Variants in FIG4 observed in about 807,000 individuals in gnomAD.
FIG4 encodes the protein FIG4 phosphoinositide 5-phosphatase, also known as polyphosphoinositide phosphatase.
Under a neutral mutation model 118.6 loss-of-function variants are expected in FIG4, and 112 were observed. The observed-to-expected ratio is 0.94, with a 90% confidence interval of 0.81 to 1.11. The LOEUF (loss-of-function observed/expected upper bound fraction) is 1.11. FIG4 is among the 50% of genes least tolerant of loss of function. The pLI is 0.00. For missense variants in FIG4, 969 were observed against 1,111.7 expected (o/e 0.87, Z 1.83); for synonymous variants, 369 against 381.2 (o/e 0.97, Z 0.37).
chr6:109,744,490 T>G (rs938402388), intron 10 of FIG4, among the ~76,000 whole-genome samples: 4 of 151,870 alleles, frequency 2.6e-5, no homozygotes, highest in Non-Finnish European at 5.9e-5. Flanking sequence ...AGCAAGGGTG[T>G]TGTTATGTTA....
At chr6:109,786,910 C>T (rs1479654424) in intron 18 of FIG4, among the ~76,000 whole-genome samples, 1 of 151,988 alleles carries the variant, frequency 6.6e-6, no homozygotes, top group African/African-American at 2.4e-5. Context: ...TCTCTCTCCC[C>T]CACACACACA....
intron 3 of FIG4, among the ~76,000 whole-genome samples, chr6:109,724,370 C>A (rs1775719648): frequency 6.6e-6 from 1 of 152,106 alleles, no homozygotes; most frequent in African/African-American, 2.4e-5. Context: ...GAAATTAGAC[C>A]TCCGTTCAGC....
chr6:109,750,392 C>G (rs1314736977), intron 10 of FIG4, among the ~76,000 whole-genome samples: 1 of 152,150 alleles, frequency 6.6e-6, no homozygotes, highest in Non-Finnish European at 1.5e-5. Context: ...TCCCAGTGAC[C>G]TGGGAAACAG....
intron 10 of FIG4, among the ~76,000 whole-genome samples, chr6:109,755,807 T>C (rs1192709248): frequency 6.6e-6 from 1 of 152,168 alleles, no homozygotes; most frequent in Non-Finnish European, 1.5e-5. Context: ...TCCTCCATCC[T>C]TTTATTTTGA....
At chr6:109,694,978 G>C (rs1774664410) in intron 1 of FIG4, among the ~76,000 whole-genome samples, 1 of 152,166 alleles carries the variant, frequency 6.6e-6, no homozygotes, top group Non-Finnish European at 1.5e-5. Flanking sequence ...TTCTTATATA[G>C]TATTGGTGGT....
intron 22 of FIG4, among the ~76,000 whole-genome samples, chr6:109,801,803 A>G (rs1778435807): frequency 6.6e-6 from 1 of 152,170 alleles, no homozygotes; most frequent in Non-Finnish European, 1.5e-5. Context: ...CATGATGTTA[A>G]TTTTCAATAA....
intron 22 of FIG4, among the ~76,000 whole-genome samples, chr6:109,823,122 C>T (rs896546946): frequency 2.6e-5 from 4 of 151,920 alleles, no homozygotes; most frequent in East Asian, 1.9e-4. Context: ...CTAGGCTTGG[C>T]GATAAAATCC....
chr6:109,816,962 C>T (rs72944995), intron 22 of FIG4, among the ~76,000 whole-genome samples: 3,174 of 152,258 alleles, frequency 0.021, 63 homozygotes, highest in Non-Finnish European at 0.031. Flanking sequence ...GAGTGGCTAC[C>T]GCTGCTTCTG....
chr6:109,782,102 A>C (rs988278629), intron 16 of FIG4, among the ~76,000 whole-genome samples: 1 of 152,158 alleles, frequency 6.6e-6, no homozygotes, highest in Non-Finnish European at 1.5e-5. Context: ...AGAACTCTTA[A>C]TAATACTAGG....
chr6:109,820,216 A>G (rs898651232), intron 22 of FIG4, among the ~76,000 whole-genome samples: 4 of 152,172 alleles, frequency 2.6e-5, no homozygotes, highest in African/African-American at 9.7e-5. Flanking sequence ...GCGACTGTCA[A>G]ATGCTTCTGA....
chr6:109,753,038 T>G (rs1278413103), intron 10 of FIG4, among the ~76,000 whole-genome samples: 6 of 152,092 alleles, frequency 3.9e-5, no homozygotes, highest in East Asian at 1.9e-4. Context: ...AAGGGATCCA[T>G]TTTCAGCTTT....
At chr6:109,814,229 G>C (rs1010847874) in intron 22 of FIG4, among the ~76,000 whole-genome samples, 1 of 152,044 alleles carries the variant, frequency 6.6e-6, no homozygotes, top group African/African-American at 2.4e-5. Context: ...ACCTTGACCT[G>C]CCCGGCTCAA....
intron 22 of FIG4, among the ~76,000 whole-genome samples, chr6:109,801,681 G>A (rs1043593685): frequency 1.3e-5 from 2 of 152,198 alleles, no homozygotes; most frequent in Non-Finnish European, 2.9e-5. Context: ...TTCTACCAGG[G>A]GAAGTGTTTT....
intron 10 of FIG4, among the ~76,000 whole-genome samples, chr6:109,758,144 A>G (rs1776980615): frequency 6.6e-6 from 1 of 152,236 alleles, no homozygotes; most frequent in Non-Finnish European, 1.5e-5. Context: ...GAGCCCGTAT[A>G]GCCAAGACAA....
intron 5 of FIG4, among the ~76,000 whole-genome samples, chr6:109,734,475 A>T (rs1009815411): frequency 2.0e-5 from 3 of 149,748 alleles, no homozygotes; most frequent in African/African-American, 7.3e-5. Context: ...ATAAATATAG[A>T]GTATAAATAT....
chr6:109,736,167 A>G (rs1429292204), intron 6 of FIG4, among the ~76,000 whole-genome samples: 1 of 152,132 alleles, frequency 6.6e-6, no homozygotes, highest in Non-Finnish European at 1.5e-5. Context: ...GCTCTGTGCA[A>G]CTTAAATGAT....
At chr6:109,791,134 G>T (rs1023008838) in intron 19 of FIG4, among the ~76,000 whole-genome samples, 7 of 152,112 alleles carry the variant, frequency 4.6e-5, no homozygotes, top group African/African-American at 9.7e-5. Flanking sequence ...ATTTTTTCAC[G>T]CTCTGCAAGT....
intron 22 of FIG4, among the ~76,000 whole-genome samples, chr6:109,807,255 A>G (rs749423897): frequency 1.3e-5 from 2 of 152,202 alleles, no homozygotes; most frequent in African/African-American, 4.8e-5. Context: ...ATTTCTCCAC[A>G]TCTTCTCCAG....
intron 4 of FIG4, among the ~76,000 whole-genome samples, chr6:109,731,748 C>G (rs1400994995): frequency 6.6e-6 from 1 of 152,064 alleles, no homozygotes; most frequent in Non-Finnish European, 1.5e-5. Context: ...ATATCAGGAA[C>G]TTGAGCATCT....
Sources: gnomAD v4.1 joint callset for allele counts (sites outside exome capture counted in the v4.1 genomes callset) on GRCh38, gnomAD v4.1.1 for gene constraint, MANE v1.5 for transcripts, NCBI Gene and HGNC (gene_info 2026-07-23, HGNC 2026-07-21) for gene names.